Variants in SORL1 observed in about 807,000 individuals in gnomAD.
The protein encoded by SORL1 is sortilin related receptor 1.
SORL1 carries 127 observed loss-of-function variants against 273.7 expected under a neutral mutation model. That is an observed-to-expected ratio of 0.46 (90% CI 0.40 to 0.54). The LOEUF is 0.54. Ranked by LOEUF, SORL1 falls within the 20% of genes least tolerant of loss-of-function variation. The pLI is 0.00. For synonymous variants in SORL1, 1,031 were observed against 1,067.4 expected, an observed-to-expected ratio of 0.97 and a Z score of 0.66; for missense variants, 2,494 against 2,846.1, an observed-to-expected ratio of 0.88 and a Z score of 2.81.
intron 21 of SORL1, among the ~76,000 whole-genome samples, chr11:121,566,378 AT>A (rs545435888): frequency 3.3e-5 from 5 of 151,932 alleles, no homozygotes; most frequent in South Asian, 2.1e-4. Flanking sequence ...AAAAAAAAAA[AT>A]TTTTTTTAAG....
intron 12 of SORL1, among the ~76,000 whole-genome samples, chr11:121,535,686 GT>G (rs1292890430): frequency 9.4e-5 from 14 of 148,856 alleles, no homozygotes; most frequent in African/African-American, 3.4e-4. Flanking sequence ...TTTTTTTTTG[GT>G]CGATGTTCTT....
intron 18 of SORL1, chr11:121,557,065 C>G: frequency 1.9e-6 from 1 of 530,860 alleles, no homozygotes; most frequent in Non-Finnish European, 3.4e-6. Context: ...TCATCATGCC[C>G]TGGAAACTGG....
intron 25 of SORL1, among the ~76,000 whole-genome samples, chr11:121,578,156 T>C (rs1862964490): frequency 6.6e-6 from 1 of 152,244 alleles, no homozygotes; most frequent in African/African-American, 2.4e-5. Context: ...CTCTACAGCC[T>C]CCTTGAGAAG....
intron 2 of SORL1, among the ~76,000 whole-genome samples, chr11:121,476,465 T>C (rs1462332103): frequency 3.3e-5 from 5 of 152,354 alleles, no homozygotes; most frequent in Middle Eastern, 3.4e-3. Flanking sequence ...GCATGTGCTC[T>C]CTGTTCCCTT....
In SORL1 at chr11:121,469,069, A is replaced by G. The variant is rs533534312; in HGVS notation, c.286-938A>G. 3.9e-5 allele frequency among the ~76,000 whole-genome samples: 6 copies of G among 152,310 alleles called. No individual in the cohort carries two copies. The East Asian group carries it at 9.6e-4, about 24-fold the overall frequency. On this transcript the variant is annotated intron_variant, in intron 1 of 47. Coordinates refer to ENST00000260197, the MANE Select transcript of SORL1 (RefSeq NM_003105.6). ...TTATGAGAAGTTCAGGATGAGTGCT[A>G]CTGGTTAGCGGAGGTCTTTTCCATG...
chr11:121,598,339 G>A (rs1863331394), intron 32 of SORL1, among the ~76,000 whole-genome samples: 1 of 152,126 alleles, frequency 6.6e-6, no homozygotes, highest in Non-Finnish European at 1.5e-5. Context: ...TTTGGCTGTG[G>A]TAATAAGGAA....
chr11:121,590,673 T>C lies in SORL1; in HGVS notation c.4214-328T>C, dbSNP rs17125508. 2.4e-3 allele frequency: 1,502 copies of C among 623,834 alleles called. 17 individuals carry two copies. In the African/African-American group the frequency reaches 0.024, roughly 10 times the overall value. 38.6% of individuals were successfully genotyped at this position (623,834 alleles called of 1,614,324 possible). A position where few individuals can be genotyped will look rare whatever the true frequency, so the allele number is the denominator to read the frequency against. On this transcript the variant is annotated intron_variant, in intron 30 of 47. Coordinates refer to ENST00000260197, the MANE Select transcript of SORL1 (RefSeq NM_003105.6). ...ATTAACTAGAACACAATGCTTTGCC[T>C]CAGTAGGAATTCTCTTAGCCACCCT...
intron 21 of SORL1, among the ~76,000 whole-genome samples, chr11:121,565,963 G>A (rs1862748389): frequency 6.6e-6 from 1 of 152,214 alleles, no homozygotes; most frequent in South Asian, 2.1e-4. Context: ...CACAGCAGTG[G>A]CTGATGAGTA....
At position 121,561,454 on chromosome 11, in the gene SORL1, A is replaced by G. The variant is rs572964487; in HGVS notation, c.3049+1797A>G. Among the ~76,000 whole-genome samples the G allele has an allele frequency of 9.8e-5, 15 of 152,292 alleles. No individual in the cohort carries two copies. In the South Asian group the frequency reaches 2.7e-3, roughly 27 times the overall value. On this transcript the variant is annotated intron_variant, in intron 21 of 47. Coordinates refer to ENST00000260197, the MANE Select transcript of SORL1 (RefSeq NM_003105.6). The stretch of plus-strand genomic sequence containing the variant: ...TTTCCCTTTCATGCCTCAAAGAGTC[A>G]TCTTCATTTAAGTTAGCCAGAGTCA...
At position 121,502,124 on chromosome 11, in the gene SORL1, C is replaced by CTTTTTTTTTTT. The variant is rs57842880; in HGVS notation, c.939+5094_939+5104dup. Among the ~76,000 whole-genome samples, 47 of 65,184 alleles carry CTTTTTTTTTTT rather than the reference C, an allele frequency of 7.2e-4. 11 individuals carry two copies. Among genetic ancestry groups the CTTTTTTTTTTT allele is most frequent in the African/African-American group, 1.4e-3 (27 of 18,860 alleles). The allele number at this position is 65,184 out of a possible 152,430, so 42.8% of individuals were successfully genotyped here. Reference sequence around the variant, plus strand: ...GTAACTACTGGGTCATGTGACAATTCTTTTTTTTTTTTTTTTTTTTTTTTT... The same window carrying CTTTTTTTTTTT: ...GTAACTACTGGGTCATGTGACAATTCTTTTTTTTTTTTTTTTTTTTTTTTTTTTTTTTTTTT... On this transcript the variant is annotated intron_variant, in intron 6 of 47. Transcript: ENST00000260197.
intron 1 of SORL1, among the ~76,000 whole-genome samples, chr11:121,468,117 T>G (rs1170254713): frequency 2.0e-5 from 3 of 152,022 alleles, no homozygotes; most frequent in Non-Finnish European, 4.4e-5. Context: ...TCGAGTGTGC[T>G]GGGGGGAGGA....
At chr11:121,537,472 G>A (rs1228102748) in intron 12 of SORL1, among the ~76,000 whole-genome samples, 1 of 152,166 alleles carries the variant, frequency 6.6e-6, no homozygotes, top group East Asian at 1.9e-4. Flanking sequence ...TCATAGAAAG[G>A]CAGAGGTAAA....
At position 121,627,405 on chromosome 11, in the gene SORL1, C is replaced by T. The variant is rs146737609; in HGVS notation, c.6365-150C>T. 52 of 660,628 alleles carry T rather than the reference C, an allele frequency of 7.9e-5. No homozygotes were observed. The highest frequency in any genetic ancestry group is 5.9e-4 in the African/African-American group (33 of 55,652). The allele number at this position is 660,628 out of a possible 1,614,324, so 40.9% of individuals were successfully genotyped here. A position where few individuals can be genotyped will look rare whatever the true frequency, so the allele number is the denominator to read the frequency against. ...GTAGTGGGGAAGCAATCAGGCATCA[C>T]GCACATGCAGAAACGTCTCACACCA... is the stretch of plus-strand genomic sequence containing the variant. On this transcript the variant is annotated intron_variant, in intron 46 of 47. Coordinates refer to ENST00000260197, the MANE Select transcript of SORL1 (RefSeq NM_003105.6). The surrounding 1 kb of genome is among the most constrained non-coding windows in gnomAD (Gnocchi z 4.9).
Position 121,619,826 on chromosome 11 carries a change from T to C in SORL1, c.5798T>C (p.Leu1933Pro). 1.2e-6 allele frequency: 2 copies of C among 1,613,988 alleles called. No homozygotes were observed. Among genetic ancestry groups the C allele is most frequent in the Non-Finnish European group, 1.7e-6 (2 of 1,179,834 alleles). Reference sequence around the variant, plus strand: ...GTGAAGATGATCCCGGACAGCAGGCTTCCACCCCGTCACCTGCATGTGGTT... The same window carrying C: ...GTGAAGATGATCCCGGACAGCAGGCCTCCACCCCGTCACCTGCATGTGGTT... Reference protein sequence around the residue: ...VVVKMIPDSRLPPRHLHVVHT... With the variant: ...VVVKMIPDSRPPPRHLHVVHT... Residue 1933 changes from leucine to proline, a missense_variant, in exon 43 of 48, where the codon CTT (leucine) becomes CCT (proline). Physicochemically the swap from Leu to Pro is moderately conservative, Grantham distance 98. Around this residue, in one of 3 missense-constraint regions of SORL1, gnomAD observed 1,609 missense variants for 1,816.4 expected, o/e 0.89. Coordinates refer to ENST00000260197, the MANE Select transcript of SORL1 (RefSeq NM_003105.6).
At chr11:121,620,934 A>T in intron 43 of SORL1, 130 bp from the exon 44 acceptor site, 1 of 648,384 alleles carries the variant, frequency 1.5e-6, no homozygotes. Context: ...ATGGAGTCAG[A>T]TTTCGGGACT....
chr11:121,621,732 T>G (rs1863725948), intron 44 of SORL1, among the ~76,000 whole-genome samples: 1 of 152,146 alleles, frequency 6.6e-6, no homozygotes, highest in South Asian at 2.1e-4. Flanking sequence ...CAGCAGCAGG[T>G]ATTATTGGGA....
intron 19 of SORL1, 92 bp from the exon 20 acceptor site, chr11:121,558,499 C>G: frequency 3.7e-6 from 5 of 1,354,342 alleles, no homozygotes; most frequent in Non-Finnish European, 5.2e-6. Context: ...CCGGATCATT[C>G]GAAAGGAGTT....
chr11:121,499,169 G>T (rs190102830), intron 6 of SORL1, among the ~76,000 whole-genome samples: 2 of 152,176 alleles, frequency 1.3e-5, no homozygotes, highest in African/African-American at 2.4e-5. Flanking sequence ...GGTGGGAGAC[G>T]TATTAAATTT....
intron 12 of SORL1, among the ~76,000 whole-genome samples, chr11:121,537,487 T>C (rs1226124961): frequency 6.6e-6 from 1 of 151,830 alleles, no homozygotes; most frequent in Non-Finnish European, 1.5e-5. Flanking sequence ...GGTAAAGGAG[T>C]AGGCTTGCAG....
Sources: allele counts gnomAD v4.1 joint callset (sites outside exome capture counted in the v4.1 genomes callset), GRCh38; gene constraint gnomAD v4.1.1; regional missense constraint gnomAD v4.1.1; non-coding constraint Gnocchi (gnomAD v3.1); transcripts MANE v1.5; gene names NCBI Gene and HGNC (gene_info 2026-07-23, HGNC 2026-07-21).